Variants in ARSB observed in about 807,000 individuals in gnomAD.
ARSB encodes N-acetylgalactosamine-4-sulfatase.
Under a neutral mutation model 50.9 loss-of-function variants are expected in ARSB, and 41 were observed. The ratio of observed to expected loss-of-function variants is 0.81; its 90% CI spans 0.63 to 1.04. ARSB has a LOEUF of 1.04. ARSB is among the 50% of genes least tolerant of loss of function. ARSB has a pLI of 0.00. For synonymous variants in ARSB, 269 were observed against 284.8 expected, an observed-to-expected ratio of 0.94 and a Z score of 0.56; for missense variants, 672 against 693.3, an observed-to-expected ratio of 0.97 and a Z score of 0.35.
chr5:78,896,039 C>A (rs887736931), intron 4 of ARSB, among the ~76,000 whole-genome samples: 2 of 152,136 alleles, frequency 1.3e-5, no homozygotes, highest in African/African-American at 4.8e-5. Context: ...AGACTCCCTG[C>A]GGTTCTTGTG....
intron 4 of ARSB, among the ~76,000 whole-genome samples, chr5:78,938,873 A>T (rs1404676177): frequency 1.3e-5 from 2 of 152,214 alleles, no homozygotes; most frequent in Non-Finnish European, 2.9e-5. Flanking sequence ...CTAAGTAGAA[A>T]TGTGTTATTG....
chr5:78,944,775 T>C (rs541957775), intron 4 of ARSB, among the ~76,000 whole-genome samples: 1 of 152,298 alleles, frequency 6.6e-6, no homozygotes, highest in African/African-American at 2.4e-5. Flanking sequence ...TCAAGCTGCG[T>C]GCTGGGAGAA....
intron 2 of ARSB, among the ~76,000 whole-genome samples, chr5:78,967,516 T>C (rs996747210): frequency 6.6e-6 from 1 of 151,676 alleles, no homozygotes; most frequent in African/African-American, 2.4e-5. Context: ...CTACTAAAAA[T>C]ATAAAAATTA....
At chr5:78,903,607 T>C (rs1748899863) in intron 4 of ARSB, among the ~76,000 whole-genome samples, 1 of 152,220 alleles carries the variant, frequency 6.6e-6, no homozygotes, top group Non-Finnish European at 1.5e-5. Flanking sequence ...AGGCCTTTTG[T>C]GGTAAGCTGA....
intron 6 of ARSB, among the ~76,000 whole-genome samples, chr5:78,810,121 A>C (rs1032091984): frequency 6.6e-6 from 1 of 152,212 alleles, no homozygotes; most frequent in Admixed American, 6.5e-5. Flanking sequence ...GACCCCCGCA[A>C]GCTTCACTGG....
At chr5:78,956,706 T>C (rs1424499744) in intron 3 of ARSB, among the ~76,000 whole-genome samples, 1 of 152,144 alleles carries the variant, frequency 6.6e-6, no homozygotes, top group African/African-American at 2.4e-5. Flanking sequence ...ACACATTCTA[T>C]CTCATTTAAT....
intron 7 of ARSB, 31 bp from the exon 8 acceptor site, chr5:78,780,693 G>A (rs1748901064): frequency 1.2e-6 from 2 of 1,613,074 alleles, no homozygotes; most frequent in Non-Finnish European, 1.7e-6. Flanking sequence ...GTTTACTGAG[G>A]GAGAAGCACA....
At chr5:78,937,388 C>CATATATATGTAAGAT (rs1320974983) in intron 4 of ARSB, among the ~76,000 whole-genome samples, 3 of 135,510 alleles carry the variant, frequency 2.2e-5, no homozygotes, top group Admixed American at 1.5e-4. Context: ...ATATATATAT[C>CATATATATGTAAGAT]ATATATATGT....
intron 6 of ARSB, chr5:78,816,125 C>T (rs766679519): frequency 2.5e-6 from 4 of 1,614,040 alleles, no homozygotes; most frequent in African/African-American, 1.3e-5. Context: ...CTGTAAAACA[C>T]ACAAAATGAC....
chr5:78,950,920 G>T (rs1259724081), intron 4 of ARSB, among the ~76,000 whole-genome samples: 4 of 152,204 alleles, frequency 2.6e-5, no homozygotes, highest in Non-Finnish European at 5.9e-5. Context: ...TCAGGAAAAG[G>T]ATGGGTCCTG....
At chr5:78,832,716 T>C (rs1744746011) in intron 6 of ARSB, among the ~76,000 whole-genome samples, 1 of 152,046 alleles carries the variant, frequency 6.6e-6, no homozygotes, top group African/African-American at 2.4e-5. Context: ...AGAAATAACA[T>C]CTCATTAGAA....
chr5:78,853,328 C>A (rs964870712), intron 5 of ARSB, among the ~76,000 whole-genome samples: 5 of 152,210 alleles, frequency 3.3e-5, no homozygotes, highest in African/African-American at 1.2e-4. Flanking sequence ...CCACTCCAGA[C>A]CCTGTTTGCC....
intron 2 of ARSB, among the ~76,000 whole-genome samples, chr5:78,967,038 C>T (rs997452606): frequency 2.0e-5 from 3 of 152,048 alleles, no homozygotes; most frequent in Admixed American, 1.3e-4. Context: ...TGATTTTAAC[C>T]CTGAATCCAA....
chr5:78,783,867 T>C (rs1490118842), intron 6 of ARSB, among the ~76,000 whole-genome samples: 1 of 152,206 alleles, frequency 6.6e-6, no homozygotes, highest in Non-Finnish European at 1.5e-5. Flanking sequence ...CTATGAAAGA[T>C]ACTATTATCT....
chr5:78,852,935 G>T (rs1053928607), intron 5 of ARSB, among the ~76,000 whole-genome samples: 1 of 152,128 alleles, frequency 6.6e-6, no homozygotes. Context: ...TCTCTGTATT[G>T]GTTATTCTAG....
At chr5:78,933,170 G>C (rs974852866) in intron 4 of ARSB, among the ~76,000 whole-genome samples, 2 of 152,204 alleles carry the variant, frequency 1.3e-5, no homozygotes, top group Non-Finnish European at 2.9e-5. Flanking sequence ...AAATGAAGGT[G>C]AGTTGAGGTT....
intron 6 of ARSB, among the ~76,000 whole-genome samples, chr5:78,828,620 T>C (rs1380070728): frequency 6.6e-6 from 1 of 151,830 alleles, no homozygotes; most frequent in Admixed American, 6.6e-5. Context: ...CTTTCAACTG[T>C]TATCTGATTT....
chr5:78,958,942 A>C (rs1751859990), intron 3 of ARSB, among the ~76,000 whole-genome samples: 2 of 151,144 alleles, frequency 1.3e-5, no homozygotes, highest in South Asian at 2.1e-4. Context: ...TTATGCATTA[A>C]GCCTTGTACA....
At chr5:78,881,764 A>G (rs1326367570) in intron 5 of ARSB, among the ~76,000 whole-genome samples, 1 of 152,252 alleles carries the variant, frequency 6.6e-6, no homozygotes, top group Admixed American at 6.5e-5. Context: ...GGTAATGTTT[A>G]TCAAATGCTT....
Sources: gnomAD v4.1 joint callset for allele counts (sites outside exome capture counted in the v4.1 genomes callset) on GRCh38, gnomAD v4.1.1 for gene constraint, MANE v1.5 for transcripts, NCBI Gene and HGNC (gene_info 2026-07-23, HGNC 2026-07-21) for gene names.